PACS1: variants seen among roughly 807,000 people sequenced by gnomAD.
PACS1 encodes phosphofurin acidic cluster sorting protein 1.
A neutral mutation model predicts 115.0 loss-of-function variants in PACS1; 24 were observed. The observed-to-expected ratio is 0.21, with a 90% CI of 0.15 to 0.29. The LOEUF is 0.29. PACS1 is among the 10% of genes least tolerant of loss of function. The pLI, the probability that PACS1 is intolerant of heterozygous loss-of-function variation, is 1.00. For synonymous variants in PACS1, 453 were observed against 504.5 expected (o/e 0.90, Z 1.37); for missense variants, 838 against 1,251.2 (o/e 0.67, Z 4.98).
intron 1 of PACS1, among the ~76,000 whole-genome samples, chr11:66,116,250 A>G (rs142953471): frequency 6.6e-6 from 1 of 152,300 alleles, no homozygotes; most frequent in African/African-American, 2.4e-5. Flanking sequence ...TGGGTCATCT[A>G]TTTTGTTCTC....
rs992127830 is a variant in PACS1 at position 66,208,936 on chromosome 11, GT to G, written c.445-1418del. Among the ~76,000 whole-genome samples the G allele has an allele frequency of 3.9e-5, 6 of 151,924 alleles. No homozygotes were observed. The East Asian group carries it at 1.2e-3, about 29-fold the overall frequency. On this transcript the variant is annotated intron_variant, in intron 2 of 23. Transcript: ENST00000320580. ...CCTTACCAACTTTGGATGTTGTGGG[GT>G]TTTTTTTATTGGTATTAATTTTAAA...
chr11:66,102,904 C>T (rs1857951995), intron 1 of PACS1, among the ~76,000 whole-genome samples: 1 of 152,128 alleles, frequency 6.6e-6, no homozygotes, highest in Non-Finnish European at 1.5e-5. Flanking sequence ...GATCTCAGCT[C>T]ACTGCAACCT....
intron 1 of PACS1, among the ~76,000 whole-genome samples, chr11:66,162,066 A>C (rs959346843): frequency 6.7e-6 from 1 of 150,222 alleles, no homozygotes; most frequent in African/African-American, 2.4e-5. Context: ...GATTGAAGAC[A>C]GACCTGAAAT....
intron 1 of PACS1, among the ~76,000 whole-genome samples, chr11:66,151,124 T>C (rs1318503085): frequency 1.3e-5 from 2 of 151,850 alleles, no homozygotes; most frequent in African/African-American, 2.4e-5. Flanking sequence ...AAACTCTAAA[T>C]GTATAGTGAA....
At chr11:66,201,094 C>CT (rs1854781648) in intron 2 of PACS1, among the ~76,000 whole-genome samples, 1 of 152,000 alleles carries the variant, frequency 6.6e-6, no homozygotes, top group Non-Finnish European at 1.5e-5. Flanking sequence ...TGGCAGGCGC[C>CT]TGTAGTCTCA....
At chr11:66,224,816 G>T (rs11227432) in intron 10 of PACS1, among the ~76,000 whole-genome samples, 3 of 152,168 alleles carry the variant, frequency 2.0e-5, no homozygotes, top group Admixed American at 1.3e-4. Context: ...TGCACCTGTA[G>T]GCAGGTGTGC....
At chr11:66,183,391 T>G (rs1860049472) in intron 1 of PACS1, among the ~76,000 whole-genome samples, 2 of 152,240 alleles carry the variant, frequency 1.3e-5, no homozygotes, top group South Asian at 4.1e-4. Flanking sequence ...TTTTTTTCTC[T>G]TGGTTTACTC....
At chr11:66,094,831 C>T (rs1288732226) in intron 1 of PACS1, among the ~76,000 whole-genome samples, 13 of 152,144 alleles carry the variant, frequency 8.5e-5, no homozygotes, top group African/African-American at 3.1e-4. Context: ...AGCAGCACAT[C>T]CAAAAGCTTA....
chr11:66,242,503 A>G (rs2134754537), intron 22 of PACS1, among the ~76,000 whole-genome samples: 1 of 152,342 alleles, frequency 6.6e-6, no homozygotes, highest in Admixed American at 6.5e-5. Context: ...GGAGTGGAAC[A>G]GGGAGCACTC....
At chr11:66,086,900 G>A (rs528427190) in intron 1 of PACS1, among the ~76,000 whole-genome samples, 16 of 152,014 alleles carry the variant, frequency 1.1e-4, no homozygotes, top group African/African-American at 3.9e-4. Context: ...TACAGGCGTG[G>A]GGCCGGCCCC....
At chr11:66,188,124 G>A (rs1016694255) in intron 1 of PACS1, among the ~76,000 whole-genome samples, 2 of 141,866 alleles carry the variant, frequency 1.4e-5, no homozygotes, top group Non-Finnish European at 1.5e-5. Context: ...TTTGAGAAAT[G>A]TCTGTTCAGA....
intron 1 of PACS1, among the ~76,000 whole-genome samples, chr11:66,079,352 A>T (rs10608763): frequency 1.1e-5 from 1 of 92,066 alleles, no homozygotes; most frequent in Non-Finnish European, 2.4e-5. Flanking sequence ...AGGTCTGGGT[A>T]AAAAAAAAAA....
chr11:66,099,964 T>A (rs1046423868), intron 1 of PACS1, among the ~76,000 whole-genome samples: 7 of 152,142 alleles, frequency 4.6e-5, no homozygotes, highest in Non-Finnish European at 1.0e-4. Flanking sequence ...CACTGCAACC[T>A]CCGCCTCCTG....
chr11:66,134,735 G>A (rs961524922), intron 1 of PACS1, among the ~76,000 whole-genome samples: 3 of 152,068 alleles, frequency 2.0e-5, no homozygotes, highest in African/African-American at 7.2e-5. Flanking sequence ...CTGATGGCCA[G>A]TGTAGAAACT....
At chr11:66,107,210 C>A (rs1228695150) in intron 1 of PACS1, among the ~76,000 whole-genome samples, 1 of 152,166 alleles carries the variant, frequency 6.6e-6, no homozygotes, top group African/African-American at 2.4e-5. Context: ...GCCACGCAGG[C>A]TTCTTTGCTC....
chr11:66,194,930 A>C (rs1488055146), intron 2 of PACS1, among the ~76,000 whole-genome samples: 2 of 152,026 alleles, frequency 1.3e-5, no homozygotes, highest in African/African-American at 2.4e-5. Flanking sequence ...AGTTCTCAAA[A>C]CTTAAAATGT....
At chr11:66,080,808 C>CTG (rs1442927820) in intron 1 of PACS1, among the ~76,000 whole-genome samples, 1 of 152,158 alleles carries the variant, frequency 6.6e-6, no homozygotes, top group East Asian at 1.9e-4. Flanking sequence ...CAGCGAGAGG[C>CTG]TGTGTGGTAT....
intron 2 of PACS1, among the ~76,000 whole-genome samples, chr11:66,201,776 C>T (rs1315177418): frequency 6.6e-6 from 1 of 151,806 alleles, no homozygotes; most frequent in Non-Finnish European, 1.5e-5. Flanking sequence ...TCTCCTGCCT[C>T]AGTCTCCTGA....
chr11:66,216,523 G>A lies in PACS1; in HGVS notation c.809G>A (p.Arg270His). 6 of 1,612,878 alleles carry A rather than the reference G, an allele frequency of 3.7e-6. No homozygotes were observed. The highest frequency in any genetic ancestry group is 2.2e-5 in the East Asian group (1 of 44,878). The change falls in exon 6 of 24, where the codon CGT becomes CAT. Residue 270 changes from arginine to histidine, a missense_variant. Arg to His is a conservative substitution (Grantham distance 29). Transcript: ENST00000320580. ...HEGIKSKLSD[R>H]SPDIDNYSEE... ...CTTACTCAGGTGTCTGTTGCAGATC[G>A]TTCTCCTGATATTGACAATTATTCT...
Sources: gnomAD v4.1 joint callset for allele counts (sites outside exome capture counted in the v4.1 genomes callset) on GRCh38, gnomAD v4.1.1 for gene constraint, MANE v1.5 for transcripts, NCBI Gene and HGNC (gene_info 2026-07-23, HGNC 2026-07-21) for gene names.